The following CCAR1 variants were observed in gnomAD, a reference collection of about 807,000 sequenced individuals.
CCAR1 encodes cell division cycle and apoptosis regulator 1.
In CCAR1, 78 loss-of-function variants were observed where a neutral mutation model predicts 163.8. The observed-to-expected ratio is 0.48, with a 90% CI of 0.40 to 0.57. The LOEUF (loss-of-function observed/expected upper bound fraction) is 0.57. Among genes scored for constraint, CCAR1 ranks in the 20% least tolerant of loss-of-function variants. The probability of loss-of-function intolerance (pLI) is 0.00; values close to 1 mark genes in which losing one functional copy is unlikely to be tolerated. For missense variants in CCAR1, 1,019 were observed against 1,365.2 expected, an observed-to-expected ratio of 0.75 and a Z score of 4.00; for synonymous variants, 443 against 460.7, an observed-to-expected ratio of 0.96 and a Z score of 0.49.
chr10:68,751,380 A>T (rs1454306729), intron 10 of CCAR1, among the ~76,000 whole-genome samples: 1 of 152,078 alleles, frequency 6.6e-6, no homozygotes, highest in Non-Finnish European at 1.5e-5. Flanking sequence ...GCTTACTCTT[A>T]TACTTAAAAA....
intron 10 of CCAR1, 37 bp downstream of exon 10, chr10:68,749,722 T>G: frequency 6.7e-7 from 1 of 1,495,156 alleles, no homozygotes; most frequent in Admixed American, 1.8e-5. Context: ...CTTGAGTTAC[T>G]AATTTCATAT....
intron 19 of CCAR1, among the ~76,000 whole-genome samples, chr10:68,775,801 A>C (rs2056659894): frequency 7.0e-6 from 1 of 143,024 alleles, no homozygotes; most frequent in Non-Finnish European, 1.5e-5. Context: ...GTTTCAAGCA[A>C]TTCTCCTGCC....
chr10:68,784,676 GT>G (rs2056775508), intron 19 of CCAR1, among the ~76,000 whole-genome samples: 1 of 152,014 alleles, frequency 6.6e-6, no homozygotes, highest in Admixed American at 6.6e-5. Flanking sequence ...TGCCTCCCAA[GT>G]AGCTGGAACC....
Position 68,729,443 on chromosome 10 carries a change from G to A in CCAR1, c.73+6866G>A, listed in dbSNP as rs1261239962. ...TGCCACCACGCCCGGCTAATTTTTT[G>A]TATTTTTAGTAGAGTCAGGGTTTCA... is the stretch of plus-strand genomic sequence containing the variant. On this transcript the variant is annotated intron_variant, in intron 2 of 24. Coordinates refer to ENST00000265872, the MANE Select transcript of CCAR1 (RefSeq NM_018237.4). Among the ~76,000 whole-genome samples, 4 of 151,658 alleles carry A rather than the reference G, an allele frequency of 2.6e-5. No individual in the cohort carries two copies. In the East Asian group the frequency reaches 7.8e-4, roughly 30 times the overall value.
Position 68,789,877 on chromosome 10 carries a change from T to C in CCAR1, c.3355T>C (p.Ser1119Pro), listed in dbSNP as rs956585302. The C allele has an allele frequency of 6.3e-7, 1 of 1,599,640 alleles. No individual in the cohort carries two copies. Among genetic ancestry groups the C allele is most frequent in the Non-Finnish European group, 8.5e-7 (1 of 1,175,674 alleles). ...AATGAATAAGACAATCAGAAACTTATCTACGGTAATGGATGAAATCCACAC... is the reference window on the plus strand; with the variant it reads ...AATGAATAAGACAATCAGAAACTTACCTACGGTAATGGATGAAATCCACAC... ...NQMNKTIRNL[S>P]TVMDEIHTVL... The change falls in exon 24 of 25, where the codon TCT becomes CCT. Residue 1119 changes from serine to proline, a missense_variant. Ser to Pro is a moderately conservative substitution (Grantham distance 74). Transcript: ENST00000265872.
At chr10:68,752,887 G>GA (rs766214225) in intron 10 of CCAR1, among the ~76,000 whole-genome samples, 1 of 29,192 alleles carries the variant, frequency 3.4e-5, no homozygotes, top group Non-Finnish European at 7.5e-5. Context: ...GGATAGAATA[G>GA]ATAGATAGAT....
At chr10:68,771,997 A>G (rs1048144111) in intron 18 of CCAR1, among the ~76,000 whole-genome samples, 5 of 151,710 alleles carry the variant, frequency 3.3e-5, no homozygotes, top group Non-Finnish European at 7.4e-5. Flanking sequence ...CAGTCTCCCA[A>G]GTAGCTGAGA....
At chr10:68,751,652 C>T (rs2056332209) in intron 10 of CCAR1, among the ~76,000 whole-genome samples, 1 of 151,780 alleles carries the variant, frequency 6.6e-6, no homozygotes, top group South Asian at 2.1e-4. Context: ...CACTTGAGGT[C>T]AGGAGTTCAA....
At chr10:68,784,511 C>T (rs1035087383) in intron 19 of CCAR1, among the ~76,000 whole-genome samples, 3 of 152,096 alleles carry the variant, frequency 2.0e-5, no homozygotes, top group Admixed American at 2.0e-4. Flanking sequence ...CCATGTTCGG[C>T]GATTGACTCT....
chr10:68,774,602 G>A (rs558653695), intron 19 of CCAR1, among the ~76,000 whole-genome samples: 4 of 150,994 alleles, frequency 2.6e-5, no homozygotes, highest in African/African-American at 4.9e-5. Context: ...TTGCACTCTA[G>A]CCATGGCAAC....
At chr10:68,747,601 T>G in intron 8 of CCAR1, 35 bp downstream of exon 8, 1 of 1,556,984 alleles carries the variant, frequency 6.4e-7, no homozygotes, top group Non-Finnish European at 8.8e-7. Context: ...AATGTATAAC[T>G]TTTTAGTTGT....
Position 68,749,515 on chromosome 10 carries a change from T to G in CCAR1, c.957-9T>G. The G allele has an allele frequency of 2.5e-6, 4 of 1,604,270 alleles. No homozygotes were observed. Among genetic ancestry groups the G allele is most frequent in the Non-Finnish European group, 3.4e-6 (4 of 1,175,938 alleles). ...AAATATTAGTAATTTTAGAAAAATTTGCTTTCAGTCGTGAGAGAGAGAGAG... is the reference window on the plus strand; with the variant it reads ...AAATATTAGTAATTTTAGAAAAATTGGCTTTCAGTCGTGAGAGAGAGAGAG... On this transcript the variant is annotated splice_polypyrimidine_tract_variant and intron_variant, in intron 9 of 24. Coordinates refer to ENST00000265872, the MANE Select transcript of CCAR1 (RefSeq NM_018237.4).
At chr10:68,765,814 T>C in intron 16 of CCAR1, 74 bp from the exon 17 acceptor site, 1 of 952,586 alleles carries the variant, frequency 1.0e-6, no homozygotes, top group South Asian at 1.7e-5. Context: ...ATATATTCAA[T>C]ATATATTCAT....
chr10:68,777,519 C>T (rs2133413697), intron 19 of CCAR1, among the ~76,000 whole-genome samples: 1 of 151,958 alleles, frequency 6.6e-6, no homozygotes, highest in East Asian at 1.9e-4. Context: ...CCTGTCTTTA[C>T]TAAAAATACA....
chr10:68,765,961 C>A lies in CCAR1; in HGVS notation c.2180C>A (p.Pro727Gln). ...RERRYILPDEPAIIVHPNWAA... is the reference protein window; with the variant it reads ...RERRYILPDEQAIIVHPNWAA... Reference sequence around the variant, plus strand: ...AGAAGATATATTTTGCCTGATGAACCGGCCATCATTGTACATCCAAATTGG... The same window carrying A: ...AGAAGATATATTTTGCCTGATGAACAGGCCATCATTGTACATCCAAATTGG... The change falls in exon 17 of 25, where the codon CCG (proline) becomes CAG (glutamine). Residue 727 changes from proline (P) to glutamine (Q), a missense_variant. Around this residue, in one of 4 missense-constraint regions of CCAR1, gnomAD observed 644 missense variants for 904.4 expected, o/e 0.71. Coordinates refer to ENST00000265872, the MANE Select transcript of CCAR1 (RefSeq NM_018237.4). 1 of 1,613,776 alleles carries A rather than the reference C, an allele frequency of 6.2e-7. No individual in the cohort carries two copies. Among genetic ancestry groups the A allele is most frequent in the Non-Finnish European group, 8.5e-7 (1 of 1,179,788 alleles).
chr10:68,748,029 T>G (rs1452555614), intron 8 of CCAR1, among the ~76,000 whole-genome samples: 1 of 152,136 alleles, frequency 6.6e-6, no homozygotes, highest in African/African-American at 2.4e-5. Flanking sequence ...AATTTTTGTA[T>G]TTTTAGTAGA....
chr10:68,788,390 A>G (rs2056818811), intron 23 of CCAR1, 62 bp downstream of exon 23: 6 of 1,179,716 alleles, frequency 5.1e-6, no homozygotes, highest in Non-Finnish European at 7.0e-6. Flanking sequence ...GTATATGTTT[A>G]TGTGTGTACA....
chr10:68,753,989 T>C lies in CCAR1; in HGVS notation c.1256T>C (p.Phe419Ser). The C allele has an allele frequency of 6.2e-7, 1 of 1,614,018 alleles. No homozygotes were observed. Among genetic ancestry groups the C allele is most frequent in the Non-Finnish European group, 8.5e-7 (1 of 1,179,906 alleles). Residue 419 changes from phenylalanine to serine, a missense_variant, in exon 11 of 25, where the codon TTT (phenylalanine) becomes TCT (serine). Physicochemically the swap from Phe to Ser is radical, Grantham distance 155. Transcript: ENST00000265872. ...TTTCAGCTGGGAAATTACTGCAATT[T>C]TTATGTAATGCACAGAGAAGTAGAG... The part of the protein sequence containing the change: ...RPFQLGNYCN[F>S]YVMHREVESL...
At chr10:68,759,991 T>G (rs2056448345) in intron 15 of CCAR1, among the ~76,000 whole-genome samples, 1 of 151,998 alleles carries the variant, frequency 6.6e-6, no homozygotes, top group Non-Finnish European at 1.5e-5. Flanking sequence ...TGTTCCACCA[T>G]GCCTGGCTAA....
Sources: allele counts gnomAD v4.1 joint callset (sites outside exome capture counted in the v4.1 genomes callset), GRCh38; gene constraint gnomAD v4.1.1; regional missense constraint gnomAD v4.1.1; transcripts MANE v1.5; gene names NCBI Gene and HGNC (gene_info 2026-07-23, HGNC 2026-07-21).